Variants in RGS20 observed in about 807,000 individuals in gnomAD.
RGS20 encodes the protein gz-selective GTPase-activating protein.
Under a neutral mutation model 33.6 loss-of-function variants are expected in RGS20, and 30 were observed. That is an observed-to-expected ratio of 0.89 (90% confidence interval 0.67 to 1.21). The LOEUF (loss-of-function observed/expected upper bound fraction) is 1.21. RGS20 is among the 50% of genes most tolerant of loss of function. The probability of loss-of-function intolerance (pLI) is 0.00; values close to 1 mark genes in which losing one functional copy is unlikely to be tolerated. For synonymous variants in RGS20, 208 were observed against 197.9 expected, an observed-to-expected ratio of 1.05 and a Z score of -0.43; for missense variants, 472 against 502.4, an observed-to-expected ratio of 0.94 and a Z score of 0.58.
In RGS20 at chr8:53,879,168, G is replaced by C. The variant is rs1001683315; in HGVS notation, c.166-90G>C. 1.2e-5 allele frequency: 13 copies of C among 1,040,722 alleles called. No individual in the cohort carries two copies. In the Admixed American group the frequency reaches 2.2e-4, roughly 18 times the overall value. 64.5% of individuals were successfully genotyped at this position (1,040,722 alleles called of 1,614,324 possible). A position where few individuals can be genotyped will look rare whatever the true frequency, so the allele number is the denominator to read the frequency against. On this transcript the variant is annotated intron_variant, in intron 1 of 5. Transcript: ENST00000297313. ...CCTTCTCTTGCACCCCCAAAGTAACGCTTCAAAATTCTGTAGTAAAGAGCC... is the reference window on the plus strand; with the variant it reads ...CCTTCTCTTGCACCCCCAAAGTAACCCTTCAAAATTCTGTAGTAAAGAGCC...
At chr8:53,937,885 C>T (rs1034957710) in intron 2 of RGS20, among the ~76,000 whole-genome samples, 1 of 152,194 alleles carries the variant, frequency 6.6e-6, no homozygotes, top group African/African-American at 2.4e-5. Context: ...TAGGTAACAA[C>T]AGATGCTGGA....
intron 2 of RGS20, among the ~76,000 whole-genome samples, chr8:53,930,557 T>A (rs947866873): frequency 2.0e-5 from 3 of 152,180 alleles, no homozygotes; most frequent in African/African-American, 7.2e-5. Context: ...GTTTTTTGTT[T>A]TTTGTTTTTT....
rs369584479 is a variant in RGS20 at position 53,937,129 on chromosome 8, C to T, written c.511-2447C>T. 2.5e-3 allele frequency among the ~76,000 whole-genome samples: 384 copies of T among 151,928 alleles called. 3 individuals carry two copies. The highest frequency in any genetic ancestry group is 9.0e-3 in the African/African-American group (371 of 41,408). Reference sequence around the variant, plus strand: ...ACACAGGGTGGGGAACATCACACACCAGGGCCTGTCGTGGAGTTGGGGGGA... The same window carrying T: ...ACACAGGGTGGGGAACATCACACACTAGGGCCTGTCGTGGAGTTGGGGGGA... On this transcript the variant is annotated intron_variant, in intron 2 of 5. Transcript: ENST00000297313.
At chr8:53,943,846 C>T (rs768918329) in intron 3 of RGS20, among the ~76,000 whole-genome samples, 1 of 152,050 alleles carries the variant, frequency 6.6e-6, no homozygotes, top group Non-Finnish European at 1.5e-5. Context: ...GAGAGCGTAC[C>T]ACTCAGATGC....
At position 53,958,398 on chromosome 8, in the gene RGS20, G is replaced by A; in HGVS notation, c.1107G>A (p.Met369Ile). The A allele has an allele frequency of 6.2e-7, 1 of 1,613,242 alleles. No individual in the cohort carries two copies. Among genetic ancestry groups the A allele is most frequent in the Non-Finnish European group, 8.5e-7 (1 of 1,179,570 alleles). ...ACAGAGACTCATATCCTCGATTCAT[G>A]AACTCTGCTGTCTATAAGGACTTGC... The change falls in exon 6 of 6, where the codon ATG (methionine) becomes ATA (isoleucine). Residue 369 changes from methionine to isoleucine, a missense_variant. Met to Ile is a conservative substitution (Grantham distance 10, BLOSUM62 1). This residue lies in a region of RGS20 where 125 missense variants were observed against 169.5 expected (regional missense o/e 0.74). Transcript: ENST00000297313.
chr8:53,946,396 T>C (rs1814478248), intron 3 of RGS20, among the ~76,000 whole-genome samples: 1 of 152,120 alleles, frequency 6.6e-6, no homozygotes, highest in Admixed American at 6.6e-5. Flanking sequence ...TGTTTTTATT[T>C]AAAAAATCAT....
chr8:53,883,178 C>CT (rs1250257050), intron 2 of RGS20, among the ~76,000 whole-genome samples: 1 of 149,140 alleles, frequency 6.7e-6, no homozygotes, highest in Non-Finnish European at 1.5e-5. Context: ...TTCTTTGAGA[C>CT]TGAGTTTCGC....
intron 1 of RGS20, among the ~76,000 whole-genome samples, chr8:53,856,333 A>G (rs1811669430): frequency 6.6e-6 from 1 of 150,680 alleles, no homozygotes; most frequent in South Asian, 2.1e-4. Flanking sequence ...CTCCTGCCTC[A>G]GCCTCCCAAC....
At chr8:53,879,616 T>C (rs1451077609) in intron 2 of RGS20, 2 of 1,467,906 alleles carry the variant, frequency 1.4e-6, no homozygotes, top group Non-Finnish European at 1.8e-6. Flanking sequence ...AGTACCGTGG[T>C]CTCCACTACG....
intron 2 of RGS20, among the ~76,000 whole-genome samples, chr8:53,934,594 A>G (rs1814075731): frequency 6.6e-6 from 1 of 152,238 alleles, no homozygotes. Context: ...ATAAAGGAGC[A>G]TCCATATTCA....
intron 2 of RGS20, among the ~76,000 whole-genome samples, chr8:53,912,911 G>A (rs1813385182): frequency 6.6e-6 from 1 of 151,482 alleles, no homozygotes; most frequent in Non-Finnish European, 1.5e-5. Context: ...AGTTTTTTTA[G>A]TATCATTATG....
chr8:53,873,951 C>T (rs552821227), intron 1 of RGS20, among the ~76,000 whole-genome samples: 7 of 152,112 alleles, frequency 4.6e-5, no homozygotes, highest in African/African-American at 1.7e-4. Flanking sequence ...GTAATCCCAG[C>T]CCTTTAGGAG....
rs962443581 is a variant in RGS20 at position 53,877,695 on chromosome 8, C to G, written c.166-1563C>G. Among the ~76,000 whole-genome samples the G allele has an allele frequency of 6.6e-6, 1 of 152,144 alleles. No individual in the cohort carries two copies. The highest frequency in any genetic ancestry group is 2.4e-5 in the African/African-American group (1 of 41,416). ...AGAATGAAAATACTGGGAGAACGACCCCATTCTCCAGGAAAAGGTAATGAG... is the reference window on the plus strand; with the variant it reads ...AGAATGAAAATACTGGGAGAACGACGCCATTCTCCAGGAAAAGGTAATGAG... On this transcript the variant is annotated intron_variant, in intron 1 of 5. Coordinates refer to ENST00000297313, the MANE Select transcript of RGS20 (RefSeq NM_170587.4). This position sits in a 1 kb window ranked among gnomAD's most constrained non-coding sequence, Gnocchi z 5.7.
intron 2 of RGS20, among the ~76,000 whole-genome samples, chr8:53,922,875 G>T (rs1473059617): frequency 1.3e-5 from 2 of 152,064 alleles, no homozygotes; most frequent in Admixed American, 1.3e-4. Flanking sequence ...TGTCCAGGCT[G>T]GTCTTGAACT....
intron 5 of RGS20, among the ~76,000 whole-genome samples, chr8:53,954,848 T>A (rs1814819213): frequency 6.6e-6 from 1 of 150,852 alleles, no homozygotes; most frequent in Non-Finnish European, 1.5e-5. Context: ...CCACCAGGCC[T>A]GGCTAATTTT....
chr8:53,952,551 G>A (rs938031142), intron 4 of RGS20, among the ~76,000 whole-genome samples: 2 of 151,414 alleles, frequency 1.3e-5, no homozygotes, highest in Non-Finnish European at 2.9e-5. Flanking sequence ...ATGGTGAAAC[G>A]CCATCTCTAC....
At position 53,877,351 on chromosome 8, in the gene RGS20, C is replaced by T. The variant is rs536632254; in HGVS notation, c.166-1907C>T. Reference sequence around the variant, plus strand: ...CGAGGGCCCTCGCTCCGGAGTGGGGCGCAGACGCGGCCGCCGGCCCGCAGT... The same window carrying T: ...CGAGGGCCCTCGCTCCGGAGTGGGGTGCAGACGCGGCCGCCGGCCCGCAGT... On this transcript the variant is annotated intron_variant, in intron 1 of 5. Coordinates refer to ENST00000297313, the MANE Select transcript of RGS20 (RefSeq NM_170587.4). This position sits in a 1 kb window ranked among gnomAD's most constrained non-coding sequence, Gnocchi z 5.7. Among the ~76,000 whole-genome samples, 1 of 152,140 alleles carries T rather than the reference C, an allele frequency of 6.6e-6. No homozygotes were observed. The highest frequency in any genetic ancestry group is 1.5e-5 in the Non-Finnish European group (1 of 68,002).
intron 2 of RGS20, among the ~76,000 whole-genome samples, chr8:53,911,476 A>G (rs972878695): frequency 6.6e-6 from 1 of 152,224 alleles, no homozygotes; most frequent in Admixed American, 6.5e-5. Context: ...CACAAAAACC[A>G]AATAACATGT....
intron 1 of RGS20, among the ~76,000 whole-genome samples, chr8:53,869,607 T>C (rs1770832165): frequency 6.6e-6 from 1 of 152,022 alleles, no homozygotes; most frequent in Non-Finnish European, 1.5e-5. Flanking sequence ...ACCTGGGATT[T>C]GGAGGTTGCG....
Sources: allele counts gnomAD v4.1 joint callset (sites outside exome capture counted in the v4.1 genomes callset), GRCh38; gene constraint gnomAD v4.1.1; regional missense constraint gnomAD v4.1.1; non-coding constraint Gnocchi (gnomAD v3.1); transcripts MANE v1.5; gene names NCBI Gene and HGNC (gene_info 2026-07-23, HGNC 2026-07-21).